DPP10: variants seen among roughly 807,000 people sequenced by gnomAD.
DPP10 encodes inactive dipeptidyl peptidase 10.
DPP10 carries 33 observed loss-of-function variants against 120.9 expected under a neutral mutation model. That is an observed-to-expected ratio of 0.27 (90% CI 0.21 to 0.37). The LOEUF is 0.37. Ranked by LOEUF, DPP10 falls within the 10% of genes least tolerant of loss-of-function variation. The probability of loss-of-function intolerance (pLI) is 1.00; values close to 1 mark genes in which losing one functional copy is unlikely to be tolerated. For missense variants in DPP10, 816 were observed against 942.8 expected, an observed-to-expected ratio of 0.87 and a Z score of 1.76; for synonymous variants, 337 against 326.1, an observed-to-expected ratio of 1.03 and a Z score of -0.36.
intron 1 of DPP10, among the ~76,000 whole-genome samples, chr2:115,264,104 A>G (rs2059363901): frequency 6.6e-6 from 1 of 152,220 alleles, no homozygotes; most frequent in South Asian, 2.1e-4. Flanking sequence ...TAAACTTTTG[A>G]GGCTTTTCAA....
chr2:115,089,201 T>A (rs1438252229), intron 1 of DPP10, among the ~76,000 whole-genome samples: 1 of 152,208 alleles, frequency 6.6e-6, no homozygotes, highest in Non-Finnish European at 1.5e-5. Context: ...TACCTAGACC[T>A]CATGGTCAAT....
chr2:115,842,366 C>G lies in DPP10; in HGVS notation c.*21C>G, dbSNP rs200749536. On this transcript the variant is annotated 3_prime_UTR_variant, in exon 26 of 26. Coordinates refer to ENST00000410059, the MANE Select transcript of DPP10 (RefSeq NM_020868.6). ...AATAATGGACTGTATTTATACAGAA[C>G]TGAAGGGAATATTGAGGCTCAATGA... 2.9e-5 allele frequency: 47 copies of G among 1,603,514 alleles called. No homozygotes were observed. In the Middle Eastern group the frequency reaches 1.0e-3, roughly 34 times the overall value.
intron 1 of DPP10, among the ~76,000 whole-genome samples, chr2:115,256,439 C>T (rs905481953): frequency 1.9e-4 from 29 of 152,152 alleles, no homozygotes; most frequent in Non-Finnish European, 1.0e-4. Flanking sequence ...GGCATGCCTT[C>T]TCTGAAGCAG....
intron 1 of DPP10, among the ~76,000 whole-genome samples, chr2:114,458,420 T>C (rs1363451935): frequency 6.6e-6 from 1 of 151,912 alleles, no homozygotes; most frequent in Non-Finnish European, 1.5e-5. Flanking sequence ...TGAGACTGAT[T>C]TTTTTTTAAA....
At chr2:114,496,786 G>A (rs769449267) in intron 1 of DPP10, among the ~76,000 whole-genome samples, 2 of 151,946 alleles carry the variant, frequency 1.3e-5, no homozygotes, top group African/African-American at 2.4e-5. Flanking sequence ...TCAATGAGAC[G>A]CAGGAAATGG....
At chr2:115,529,013 A>C (rs2078299213) in intron 5 of DPP10, among the ~76,000 whole-genome samples, 1 of 152,110 alleles carries the variant, frequency 6.6e-6, no homozygotes, top group Non-Finnish European at 1.5e-5. Flanking sequence ...TAGTTTTATA[A>C]GATAGTATCG....
At chr2:115,484,522 G>T (rs2075647548) in intron 3 of DPP10, among the ~76,000 whole-genome samples, 1 of 152,114 alleles carries the variant, frequency 6.6e-6, no homozygotes, top group African/African-American at 2.4e-5. Flanking sequence ...ACCAATGAAA[G>T]CAAGGGACCT....
In DPP10 at chr2:114,696,904, C is replaced by T. The variant is rs187018878; in HGVS notation, c.60+254066C>T. ...CATTTTGCAGTGTGCTATTTATTTC[C>T]GAGCATTAATTTCTACAATGAAAAA... On this transcript the variant is annotated intron_variant, in intron 1 of 25. Coordinates refer to ENST00000410059, the MANE Select transcript of DPP10 (RefSeq NM_020868.6). 2.7e-4 allele frequency among the ~76,000 whole-genome samples: 41 copies of T among 151,926 alleles called. No homozygotes were observed. The South Asian group carries it at 2.9e-3, about 11-fold the overall frequency.
At chr2:114,833,095 C>T (rs1249892428) in intron 1 of DPP10, among the ~76,000 whole-genome samples, 9 of 152,018 alleles carry the variant, frequency 5.9e-5, no homozygotes. Context: ...AAAATCTTGG[C>T]ATTCTACTCA....
intron 3 of DPP10, among the ~76,000 whole-genome samples, chr2:115,356,640 A>C (rs1413714585): frequency 6.6e-6 from 1 of 152,136 alleles, no homozygotes; most frequent in Non-Finnish European, 1.5e-5. Context: ...CCAGTTTTCA[A>C]AGGGAATGCT....
chr2:115,042,782 A>G (rs963837968), intron 1 of DPP10, among the ~76,000 whole-genome samples: 2 of 152,218 alleles, frequency 1.3e-5, no homozygotes, highest in Non-Finnish European at 2.9e-5. Context: ...TCTATTGTAT[A>G]GTATCTGCTC....
At chr2:115,727,470 A>G (rs2092793606) in intron 7 of DPP10, among the ~76,000 whole-genome samples, 1 of 152,158 alleles carries the variant, frequency 6.6e-6, no homozygotes, top group Non-Finnish European at 1.5e-5. Flanking sequence ...TTATAGTTAC[A>G]GTTATCAGTC....
rs144657001 is a variant in DPP10, at chr2:114,828,511, A to G, written c.60+385673A>G. On this transcript the variant is annotated intron_variant, in intron 1 of 25. Transcript: ENST00000410059. ...TGGTAGAACTACAAAGATGAATTAT[A>G]TGAAAATCTTATAGTTTAGATGGAG... 8 of 152,364 alleles carry G rather than the reference A, an allele frequency of 5.3e-5. No homozygotes were observed. The East Asian group carries it at 1.5e-3, about 29-fold the overall frequency. The allele number at this position is 152,364 out of a possible 1,614,324, so 9.4% of individuals were successfully genotyped here.
At chr2:115,747,608 T>TTTC (rs1553497455) in intron 10 of DPP10, among the ~76,000 whole-genome samples, 1 of 151,492 alleles carries the variant, frequency 6.6e-6, no homozygotes. Flanking sequence ...TTTTTTTTTT[T>TTTC]CTTGAGATGG....
rs869121143 is a variant in DPP10, at chr2:114,942,320, T to TATATAC, written c.61-366918_61-366917insTATACA. ...ATACATATATATATATATATATATATACACACACATATATATATACGTATA... is the reference window on the plus strand; with the variant it reads ...ATACATATATATATATATATATATATATATACACACACACATATATATATACGTATA... On this transcript the variant is annotated intron_variant, in intron 1 of 25. Transcript: ENST00000410059. Among the ~76,000 whole-genome samples the TATATAC allele has an allele frequency of 3.0e-3, 378 of 123,964 alleles. 5 individuals are homozygous for TATATAC. Among genetic ancestry groups the TATATAC allele is most frequent in the African/African-American group, 0.01 (329 of 32,076 alleles). 81.3% of individuals were successfully genotyped at this position (123,964 alleles called of 152,430 possible).
chr2:114,769,357 C>A (rs1314460746), intron 1 of DPP10, among the ~76,000 whole-genome samples: 1 of 152,154 alleles, frequency 6.6e-6, no homozygotes, highest in Non-Finnish European at 1.5e-5. Context: ...CTCTCCCACT[C>A]TTCCCCCAGA....
chr2:115,002,476 CAG>C (rs1036108577), intron 1 of DPP10, among the ~76,000 whole-genome samples: 9 of 152,042 alleles, frequency 5.9e-5, no homozygotes, highest in South Asian at 2.1e-4. Flanking sequence ...GATTTTATGA[CAG>C]AGTCCAAAAG....
intron 1 of DPP10, among the ~76,000 whole-genome samples, chr2:115,160,280 C>A (rs1275866310): frequency 6.6e-6 from 1 of 152,208 alleles, no homozygotes; most frequent in African/African-American, 2.4e-5. Context: ...AAGATCTCCA[C>A]TCACCTCTAA....
intron 1 of DPP10, among the ~76,000 whole-genome samples, chr2:115,267,157 T>C (rs1372115206): frequency 6.6e-6 from 1 of 152,148 alleles, no homozygotes; most frequent in East Asian, 1.9e-4. Context: ...TTGGAGGAAT[T>C]GTTCTTGTGT....
Sources: gnomAD v4.1 joint callset for allele counts (sites outside exome capture counted in the v4.1 genomes callset) on GRCh38, gnomAD v4.1.1 for gene constraint, MANE v1.5 for transcripts, NCBI Gene and HGNC (gene_info 2026-07-23, HGNC 2026-07-21) for gene names.